The following KASH5 variants were observed in gnomAD, a reference collection of about 807,000 sequenced individuals.
KASH5 encodes the protein protein KASH5.
Under a neutral mutation model 84.2 loss-of-function variants are expected in KASH5, and 72 were observed. That is an observed-to-expected ratio of 0.85 (90% CI 0.71 to 1.04). The LOEUF is 1.04. KASH5 is among the 50% of genes least tolerant of loss of function. KASH5 has a pLI of 0.00. For synonymous variants in KASH5, 260 were observed against 279.1 expected (o/e 0.93, Z 0.68); for missense variants, 650 against 701.0 (o/e 0.93, Z 0.82).
intron 14 of KASH5, among the ~76,000 whole-genome samples, 194 bp downstream of exon 14, chr19:49,409,477 G>A (rs181191467): frequency 2.0e-5 from 3 of 152,174 alleles, no homozygotes; most frequent in Admixed American, 2.0e-4. Context: ...CCAGGCCTGT[G>A]CCAGACCCCA....
In KASH5 at chr19:49,399,805, G is replaced by T; in HGVS notation, c.798+298G>T. On this transcript the variant is annotated intron_variant, in intron 9 of 19. Coordinates refer to ENST00000447857, the MANE Select transcript of KASH5 (RefSeq NM_144688.5). The surrounding 1 kb of genome is among the most constrained non-coding windows in gnomAD (Gnocchi z 4.4). ...ACCTATAAAGATGAACAAAACAATG[G>T]CATCTGCCTCAGTGGTTTGTGTGAG... is the stretch of plus-strand genomic sequence containing the variant. The T allele has an allele frequency of 5.0e-6, 3 of 595,516 alleles. 1 individual carries two copies. The highest frequency in any genetic ancestry group is 6.5e-5 in the South Asian group (2 of 30,712). 36.9% of individuals were successfully genotyped at this position (595,516 alleles called of 1,614,324 possible).
In KASH5 at chr19:49,395,400, G is replaced by A; in HGVS notation, c.335+108G>A. 8.3e-7 allele frequency: 1 copy of A among 1,199,358 alleles called. No individual in the cohort carries two copies. The highest frequency in any genetic ancestry group is 1.2e-6 in the Non-Finnish European group (1 of 839,938). 74.3% of individuals were successfully genotyped at this position (1,199,358 alleles called of 1,614,324 possible). Reference sequence around the variant, plus strand: ...TTAGGCCCAAGGACCTACTGTGTTTGGAATGAGGCTGTGGAGAGAAAAATG... The same window carrying A: ...TTAGGCCCAAGGACCTACTGTGTTTAGAATGAGGCTGTGGAGAGAAAAATG... On this transcript the variant is annotated intron_variant, in intron 4 of 19. Transcript: ENST00000447857. This position sits in a 1 kb window ranked among gnomAD's most constrained non-coding sequence, Gnocchi z 4.4.
chr19:49,397,632 C>T lies in KASH5; in HGVS notation c.401-19C>T. The T allele has an allele frequency of 6.2e-7, 1 of 1,612,740 alleles. No individual in the cohort carries two copies. The highest frequency in any genetic ancestry group is 8.5e-7 in the Non-Finnish European group (1 of 1,178,794). On this transcript the variant is annotated intron_variant, in intron 5 of 19. Coordinates refer to ENST00000447857, the MANE Select transcript of KASH5 (RefSeq NM_144688.5). ...AGGGTTCCAGGGAAGCCAACATTCT[C>T]TTGGCTCTCTCCCTCCAGGATGCCC... is the stretch of plus-strand genomic sequence containing the variant.
intron 9 of KASH5, 39 bp from the exon 10 acceptor site, chr19:49,406,847 C>G (rs1483798059): frequency 6.4e-7 from 1 of 1,557,082 alleles, no homozygotes; most frequent in East Asian, 2.3e-5. Flanking sequence ...GACATTACCA[C>G]TTGCTGGAAT....
chr19:49,395,610 G>A lies in KASH5; in HGVS notation c.336-159G>A. 1.4e-6 allele frequency: 1 copy of A among 719,336 alleles called. No individual in the cohort carries two copies. Among genetic ancestry groups the A allele is most frequent in the South Asian group, 1.8e-5 (1 of 57,044 alleles). 44.6% of individuals were successfully genotyped at this position (719,336 alleles called of 1,614,324 possible). ...CCTTGCCCCTCCTGCTTTTCCATCT[G>A]GCCACGGGCACTTGCCATCTGGCCT... On this transcript the variant is annotated intron_variant, in intron 4 of 19. Transcript: ENST00000447857. This position sits in a 1 kb window ranked among gnomAD's most constrained non-coding sequence, Gnocchi z 4.4.
In KASH5 at chr19:49,399,760, C is replaced by G. The variant is rs2122141321; in HGVS notation, c.798+253C>G. The stretch of plus-strand genomic sequence containing the variant: ...ATAAGAGTGGACCAGTGCCTCCCTT[C>G]TCTGTGCCTCAGTTGCCTCACCTAT... On this transcript the variant is annotated intron_variant, in intron 9 of 19. Coordinates refer to ENST00000447857, the MANE Select transcript of KASH5 (RefSeq NM_144688.5). This position sits in a 1 kb window ranked among gnomAD's most constrained non-coding sequence, Gnocchi z 4.4. The G allele has an allele frequency of 3.0e-6, 3 of 984,542 alleles. No individual in the cohort carries two copies. The highest frequency in any genetic ancestry group is 4.2e-6 in the Non-Finnish European group (3 of 709,450). The allele number at this position is 984,542 out of a possible 1,614,324, so 61.0% of individuals were successfully genotyped here. A position where few individuals can be genotyped will look rare whatever the true frequency, so the allele number is the denominator to read the frequency against.
intron 1 of KASH5, chr19:49,390,235 A>C (rs1973958108): frequency 6.6e-6 from 1 of 152,370 alleles, no homozygotes; most frequent in African/African-American, 2.4e-5. Context: ...GGCCACGTGA[A>C]GCCGAAGCAG....
Position 49,412,997 on chromosome 19 carries a change from TGAA to T in KASH5, c.1304_1306del (p.Glu435del). On this transcript the variant is annotated inframe_deletion, in exon 16 of 20. Transcript: ENST00000447857. The surrounding 1 kb of genome is among the most constrained non-coding windows in gnomAD (Gnocchi z 4.6). ...ACTTCCAGGGAGAGCCAGCGCACCC[TGAA>T]GAAGGAAGGAAGGAGCCATCCATGT... The T allele has an allele frequency of 6.2e-7, 1 of 1,613,466 alleles. No homozygotes were observed. The highest frequency in any genetic ancestry group is 8.5e-7 in the Non-Finnish European group (1 of 1,179,808).
chr19:49,413,058 G>A, intron 16 of KASH5, 32 bp downstream of exon 16: 1 of 1,604,690 alleles, frequency 6.2e-7, no homozygotes, highest in Non-Finnish European at 8.5e-7. Flanking sequence ...CTGCCTCAGG[G>A]TGACACCTTA....
In KASH5 at chr19:49,417,294, A is replaced by AGGAGGT. The variant is rs765434115; in HGVS notation, c.1547+31_1547+36dup. ...GTGCCCCCAGGCGTCTCCAGAAGGAAGGAGGTGGTCTGACATTGGGAAGAG... is the reference window on the plus strand; with the variant it reads ...GTGCCCCCAGGCGTCTCCAGAAGGAAGGAGGTGGAGGTGGTCTGACATTGGGAAGAG... On this transcript the variant is annotated intron_variant, in intron 19 of 19. Transcript: ENST00000447857. The surrounding 1 kb of genome is among the most constrained non-coding windows in gnomAD (Gnocchi z 5.2). 9 of 1,600,994 alleles carry AGGAGGT rather than the reference A, an allele frequency of 5.6e-6. No homozygotes were observed. Among genetic ancestry groups the AGGAGGT allele is most frequent in the Non-Finnish European group, 7.7e-6 (9 of 1,173,632 alleles).
In KASH5 at chr19:49,394,557, A is replaced by G; in HGVS notation, c.125A>G (p.Glu42Gly). Reference protein sequence around the residue: ...LEEQILNSTFEACDPQRTGTV... With the variant: ...LEEQILNSTFGACDPQRTGTV... ...GAGCAAATACTCAACTCCACGTTCGAAGCTTGTGACCCTCAGAGGACAGGT... is the reference window on the plus strand; with the variant it reads ...GAGCAAATACTCAACTCCACGTTCGGAGCTTGTGACCCTCAGAGGACAGGT... The change falls in exon 3 of 20, where the codon GAA (glutamate) becomes GGA (glycine). Residue 42 changes from glutamate to glycine, a missense_variant. Physicochemically the swap from Glu to Gly is moderately conservative, Grantham distance 98 (BLOSUM62 -2). Coordinates refer to ENST00000447857, the MANE Select transcript of KASH5 (RefSeq NM_144688.5). The G allele has an allele frequency of 1.2e-6, 2 of 1,613,600 alleles. No individual in the cohort carries two copies. The highest frequency in any genetic ancestry group is 1.7e-6 in the Non-Finnish European group (2 of 1,179,812).
chr19:49,406,861 C>A, intron 9 of KASH5, 25 bp from the exon 10 acceptor site: 1 of 1,586,504 alleles, frequency 6.3e-7, no homozygotes, highest in Non-Finnish European at 8.6e-7. Flanking sequence ...CTGGAATGAA[C>A]GTGACCAGCC....
chr19:49,394,522 C>T lies in KASH5; in HGVS notation c.90C>T (p.Val30=). ...RPEEARLGMP[V]SLEEQILNST... Reference sequence around the variant, plus strand: ...AGGAGGCAAGGCTGGGAATGCCGGTCAGCTTGGAGGAGCAAATACTCAACT... The same window carrying T: ...AGGAGGCAAGGCTGGGAATGCCGGTTAGCTTGGAGGAGCAAATACTCAACT... Residue 30 remains valine, a synonymous_variant, in exon 3 of 20, where the codon GTC becomes GTT. Transcript: ENST00000447857. 6.2e-7 allele frequency: 1 copy of T among 1,613,826 alleles called. No homozygotes were observed. Among genetic ancestry groups the T allele is most frequent in the Non-Finnish European group, 8.5e-7 (1 of 1,179,866 alleles).
At chr19:49,401,193 C>G (rs1974350148) in intron 9 of KASH5, among the ~76,000 whole-genome samples, 1 of 152,188 alleles carries the variant, frequency 6.6e-6, no homozygotes, top group East Asian at 1.9e-4. Flanking sequence ...CCACACCCTT[C>G]CAGAGCCAGG....
At chr19:49,405,612 AG>A (rs1483005707) in intron 9 of KASH5, among the ~76,000 whole-genome samples, 1 of 152,164 alleles carries the variant, frequency 6.6e-6, no homozygotes, top group African/African-American at 2.4e-5. Flanking sequence ...GAGTAACTAC[AG>A]GTGAACTAAT....
rs774352541 is a variant in KASH5 at position 49,398,135 on chromosome 19, G to T, written c.621G>T (p.Gln207His). The change falls in exon 7 of 20, where the codon CAG (glutamine) becomes CAT (histidine). Residue 207 changes from glutamine to histidine, a missense_variant. By Grantham distance (24) the Gln-to-His change is conservative. Coordinates refer to ENST00000447857, the MANE Select transcript of KASH5 (RefSeq NM_144688.5). The part of the protein sequence containing the change: ...LGEEILALRK[Q>H]LHSTQQALQF... ...AGGAGATCTTGGCTCTGCGTAAGCA[G>T]CTTCACAGGTGGGCTGGATGCCACA... The T allele has an allele frequency of 1.3e-6, 2 of 1,578,178 alleles. No homozygotes were observed. The highest frequency in any genetic ancestry group is 1.7e-6 in the Non-Finnish European group (2 of 1,155,140).
chr19:49,406,814 A>G (rs1974540653), intron 9 of KASH5, 72 bp from the exon 10 acceptor site: 2 of 1,365,732 alleles, frequency 1.5e-6, no homozygotes, highest in Admixed American at 2.0e-5. Context: ...TCAAGTGTTT[A>G]GCAAATATCT....
At chr19:49,410,476 C>T (rs532806917) in intron 15 of KASH5, among the ~76,000 whole-genome samples, 1 of 149,242 alleles carries the variant, frequency 6.7e-6, no homozygotes, top group Admixed American at 6.7e-5. Context: ...GAACACACCA[C>T]CATGACTGGC....
intron 14 of KASH5, among the ~76,000 whole-genome samples, chr19:49,409,512 CT>C (rs965243751): frequency 4.6e-5 from 7 of 152,170 alleles, no homozygotes; most frequent in African/African-American, 1.7e-4. Flanking sequence ...TGACTCACCC[CT>C]ATCTCGTCTC....
Sources: gnomAD v4.1 joint callset for allele counts (sites outside exome capture counted in the v4.1 genomes callset) on GRCh38, gnomAD v4.1.1 for gene constraint, Gnocchi (gnomAD v3.1) non-coding constraint, MANE v1.5 for transcripts, NCBI Gene and HGNC (gene_info 2026-07-23, HGNC 2026-07-21) for gene names.